POLR2I: variants seen among roughly 807,000 people sequenced by gnomAD.
The protein encoded by POLR2I is DNA-directed RNA polymerase II subunit RPB9.
In POLR2I, 15 loss-of-function variants were observed where a neutral mutation model predicts 23.0. The ratio of observed to expected loss-of-function variants is 0.65; its 90% CI spans 0.44 to 1.00. POLR2I has a LOEUF of 1.00. Among genes scored for constraint, POLR2I ranks in the 50% least tolerant of loss-of-function variants. The probability of loss-of-function intolerance (pLI) is 0.00; values close to 1 mark genes in which losing one functional copy is unlikely to be tolerated. For synonymous variants in POLR2I, 72 were observed against 65.4 expected (o/e 1.10, Z -0.49); for missense variants, 120 against 173.7 (o/e 0.69, Z 1.74).
chr19:36,113,870 C>T, intron 5 of POLR2I, 53 bp from the exon 6 acceptor site: 1 of 1,602,134 alleles, frequency 6.2e-7, no homozygotes, highest in Non-Finnish European at 8.5e-7. Flanking sequence ...AGCGCCTTAC[C>T]CCAAAAGAAC....
rs182394863 is a variant in POLR2I at position 36,114,075 on chromosome 19, G to A, written c.264-9C>T. 654 of 1,613,994 alleles carry A rather than the reference G, an allele frequency of 4.1e-4. No homozygotes were observed. Among genetic ancestry groups the A allele is most frequent in the Non-Finnish European group, 5.0e-4 (595 of 1,179,932 alleles). ...CCTCCTTGTGGCCGCACCTGAGAGG[G>A]TAGGGGCTCGGTCACCGGAGGCTTC... On this transcript the variant is annotated splice_polypyrimidine_tract_variant and intron_variant, in intron 4 of 5. Transcript: ENST00000221859. This position sits in a 1 kb window ranked among gnomAD's most constrained non-coding sequence, Gnocchi z 4.5.
At chr19:36,113,936 G>C in intron 5 of POLR2I, 79 bp downstream of exon 5, 1 of 1,579,290 alleles carries the variant, frequency 6.3e-7, no homozygotes, top group South Asian at 1.1e-5. Context: ...AGAAGCGCAG[G>C]GTCACCCACA....
Position 36,113,736 on chromosome 19 carries a change from A to G in POLR2I, c.*19T>C. ...ACGCATGGAATCTGGTGTTTATTAC[A>G]CTCGGGGGAGAGAGGAGGTCACTCG... On this transcript the variant is annotated 3_prime_UTR_variant, in exon 6 of 6. Coordinates refer to ENST00000221859, the MANE Select transcript of POLR2I (RefSeq NM_006233.5). The G allele has an allele frequency of 6.2e-7, 1 of 1,612,294 alleles. No homozygotes were observed. Among genetic ancestry groups the G allele is most frequent in the Middle Eastern group, 1.7e-4 (1 of 5,994 alleles).
rs1326721965 is a variant in POLR2I, at chr19:36,114,606, GC to G, written c.114+52del. 1 of 1,544,732 alleles carries G rather than the reference GC, an allele frequency of 6.5e-7. No individual in the cohort carries two copies. The highest frequency in any genetic ancestry group is 2.3e-5 in the East Asian group (1 of 44,332). ...TCCGATCACAGAGGCAGGGGGCAGG[GC>G]GGGGCCACGCTGGGAACAGGTGGAC... is the stretch of plus-strand genomic sequence containing the variant. On this transcript the variant is annotated intron_variant, in intron 2 of 5. Transcript: ENST00000221859. The surrounding 1 kb of genome is among the most constrained non-coding windows in gnomAD (Gnocchi z 4.5).
At position 36,114,172 on chromosome 19, in the gene POLR2I, C is replaced by G. The variant is rs201433073; in HGVS notation, c.263+5G>C. The G allele has an allele frequency of 1.2e-6, 2 of 1,614,152 alleles. No individual in the cohort carries two copies. Among genetic ancestry groups the G allele is most frequent in the East Asian group, 2.2e-5 (1 of 44,884 alleles). On this transcript the variant is annotated splice_donor_5th_base_variant and intron_variant, in intron 4 of 5. Transcript: ENST00000221859. This position sits in a 1 kb window ranked among gnomAD's most constrained non-coding sequence, Gnocchi z 4.5. ...TTACCTCCCCAGTACCAGCTGAACG[C>G]TCACTTTTGGCACGGGTGGTCCTCG...
chr19:36,114,242 G>C lies in POLR2I; in HGVS notation c.198C>G (p.Thr66=), dbSNP rs1196706391. 6.2e-7 allele frequency: 1 copy of C among 1,613,810 alleles called. No homozygotes were observed. Among genetic ancestry groups the C allele is most frequent in the Non-Finnish European group, 8.5e-7 (1 of 1,179,954 alleles). The change falls in exon 4 of 6, where the codon ACC becomes ACG. Residue 66 remains threonine (T), a synonymous_variant. Coordinates refer to ENST00000221859, the MANE Select transcript of POLR2I (RefSeq NM_006233.5). This position sits in a 1 kb window ranked among gnomAD's most constrained non-coding sequence, Gnocchi z 4.5. ...CCTGGGACACGTCGGCGATAATCTG[G>C]GTCAGTTCGCTGCAGGGACGCGGGG... ...NKITHEVDEL[T]QIIADVSQDP...
chr19:36,113,961 C>T (rs1973892034), intron 5 of POLR2I, 54 bp downstream of exon 5: 1 of 1,602,002 alleles, frequency 6.2e-7, no homozygotes, highest in Admixed American at 1.7e-5. Context: ...TATCCCCGCC[C>T]CCAGAAAGGA....
At position 36,114,133 on chromosome 19, in the gene POLR2I, A is replaced by C. The variant is rs367614069; in HGVS notation, c.263+44T>G. 285 of 1,612,400 alleles carry C rather than the reference A, an allele frequency of 1.8e-4. 1 individual carries two copies. The South Asian group carries it at 2.9e-3, about 16-fold the overall frequency. ...TCCCTCCTCCCTTCGCCCAGTGAGG[A>C]GACGAGCCTCACTTTACCTCCCCAG... is the stretch of plus-strand genomic sequence containing the variant. On this transcript the variant is annotated intron_variant, in intron 4 of 5. Transcript: ENST00000221859. This position sits in a 1 kb window ranked among gnomAD's most constrained non-coding sequence, Gnocchi z 4.5.
Position 36,114,506 on chromosome 19 carries a change from A to G in POLR2I, c.115-94T>C. The G allele has an allele frequency of 2.2e-6, 3 of 1,366,940 alleles. No individual in the cohort carries two copies. The highest frequency in any genetic ancestry group is 3.1e-6 in the Non-Finnish European group (3 of 961,634). The allele number at this position is 1,366,940 out of a possible 1,614,324, so 84.7% of individuals were successfully genotyped here. ...CAGGGTGATCCCGGAGGATATGACGACAGGACTCTCTTTGGGGATGGGCAG... is the reference window on the plus strand; with the variant it reads ...CAGGGTGATCCCGGAGGATATGACGGCAGGACTCTCTTTGGGGATGGGCAG... On this transcript the variant is annotated intron_variant, in intron 2 of 5. Transcript: ENST00000221859. The surrounding 1 kb of genome is among the most constrained non-coding windows in gnomAD (Gnocchi z 4.5).
Position 36,114,098 on chromosome 19 carries a change from T to C in POLR2I, c.264-32A>G, listed in dbSNP as rs773056557. On this transcript the variant is annotated intron_variant, in intron 4 of 5. Coordinates refer to ENST00000221859, the MANE Select transcript of POLR2I (RefSeq NM_006233.5). This position sits in a 1 kb window ranked among gnomAD's most constrained non-coding sequence, Gnocchi z 4.5. The stretch of plus-strand genomic sequence containing the variant: ...GGGTAGGGGCTCGGTCACCGGAGGC[T>C]TCACACCCTTCCCTCCTCCCTTCGC... 1.2e-5 allele frequency: 19 copies of C among 1,613,630 alleles called. No individual in the cohort carries two copies. The South Asian group carries it at 2.1e-4, about 18-fold the overall frequency.
At position 36,114,375 on chromosome 19, in the gene POLR2I, C is replaced by G. The variant is rs755616103; in HGVS notation, c.152G>C (p.Ser51Thr). Residue 51 changes from serine (S) to threonine (T), a missense_variant, in exon 3 of 6, where the codon AGC (serine) becomes ACC (threonine). Coordinates refer to ENST00000221859, the MANE Select transcript of POLR2I (RefSeq NM_006233.5). This position sits in a 1 kb window ranked among gnomAD's most constrained non-coding sequence, Gnocchi z 4.5. ...CGTGATCTTGTTGACATAGATGCAG[C>G]TGTTGTCGGCCTCCTGCTGGTAATC... is the stretch of plus-strand genomic sequence containing the variant. ...NCDYQQEADN[S>T]CIYVNKITHE... 2 of 1,614,016 alleles carry G rather than the reference C, an allele frequency of 1.2e-6. No individual in the cohort carries two copies. The highest frequency in any genetic ancestry group is 1.1e-5 in the South Asian group (1 of 91,086).
rs770619530 is a variant in POLR2I, at chr19:36,114,841, T to C, written c.16A>G (p.Thr6Ala). MEPDG[T>A]YEPGFVGIRF... Reference sequence around the variant, plus strand: ...ATACCCACGAAGCCCGGCTCGTAAGTCCCGTCGGGCTCCATGGCGACGCGC... The same window carrying C: ...ATACCCACGAAGCCCGGCTCGTAAGCCCCGTCGGGCTCCATGGCGACGCGC... Residue 6 changes from threonine to alanine, a missense_variant, in exon 1 of 6, where the codon ACT becomes GCT. Physicochemically the swap from Thr to Ala is moderately conservative, Grantham distance 58. Transcript: ENST00000221859. The surrounding 1 kb of genome is among the most constrained non-coding windows in gnomAD (Gnocchi z 4.5). The C allele has an allele frequency of 6.2e-7, 1 of 1,613,896 alleles. No homozygotes were observed. The highest frequency in any genetic ancestry group is 1.1e-5 in the South Asian group (1 of 91,084).
Position 36,113,947 on chromosome 19 carries a change from T to C in POLR2I, c.315+68A>G, listed in dbSNP as rs115149643. Reference sequence around the variant, plus strand: ...TCCAAGAAGCGCAGGGTCACCCACATTGATATCCCCGCCCCCAGAAAGGAC... The same window carrying C: ...TCCAAGAAGCGCAGGGTCACCCACACTGATATCCCCGCCCCCAGAAAGGAC... On this transcript the variant is annotated intron_variant, in intron 5 of 5. Coordinates refer to ENST00000221859, the MANE Select transcript of POLR2I (RefSeq NM_006233.5). 5,163 of 1,589,590 alleles carry C rather than the reference T, an allele frequency of 3.2e-3. 159 individuals are homozygous for C. The African/African-American group carries it at 0.063, about 19-fold the overall frequency.
chr19:36,114,637 C>G lies in POLR2I; in HGVS notation c.114+22G>C. 3.8e-6 allele frequency: 6 copies of G among 1,596,434 alleles called. No homozygotes were observed. The highest frequency in any genetic ancestry group is 2.2e-5 in the East Asian group (1 of 44,482). On this transcript the variant is annotated intron_variant, in intron 2 of 5. Coordinates refer to ENST00000221859, the MANE Select transcript of POLR2I (RefSeq NM_006233.5). The surrounding 1 kb of genome is among the most constrained non-coding windows in gnomAD (Gnocchi z 4.5). ...CCACGCTGGGAACAGGTGGACCTGC[C>G]GGGGAAGACCCCGGCGCTCACCGCG...
In POLR2I at chr19:36,114,208, A is replaced by G; in HGVS notation, c.232T>C (p.Leu78=). Residue 78 remains leucine, a synonymous_variant, in exon 4 of 6, where the codon TTG becomes CTG. Transcript: ENST00000221859. This position sits in a 1 kb window ranked among gnomAD's most constrained non-coding sequence, Gnocchi z 4.5. ...CACGGGTGGTCCTCGGTCCGCGGCA[A>G]CGTGGGGTCCTGGGACACGTCGGCG... ...IIADVSQDPT[L]PRTEDHPCQK... is the part of the protein sequence containing the mutation. 1 of 1,614,074 alleles carries G rather than the reference A, an allele frequency of 6.2e-7. No homozygotes were observed. The highest frequency in any genetic ancestry group is 8.5e-7 in the Non-Finnish European group (1 of 1,179,988).
In POLR2I at chr19:36,114,595, C is replaced by G; in HGVS notation, c.114+64G>C. The G allele has an allele frequency of 6.7e-7, 1 of 1,482,742 alleles. No individual in the cohort carries two copies. Among genetic ancestry groups the G allele is most frequent in the Non-Finnish European group, 9.3e-7 (1 of 1,071,626 alleles). The allele number at this position is 1,482,742 out of a possible 1,614,324, so 91.8% of individuals were successfully genotyped here. On this transcript the variant is annotated intron_variant, in intron 2 of 5. Transcript: ENST00000221859. This position sits in a 1 kb window ranked among gnomAD's most constrained non-coding sequence, Gnocchi z 4.5. ...CGAACAGGGAGTCCGATCACAGAGGCAGGGGGCAGGGCGGGGCCACGCTGG... is the reference window on the plus strand; with the variant it reads ...CGAACAGGGAGTCCGATCACAGAGGGAGGGGGCAGGGCGGGGCCACGCTGG...
Position 36,114,611 on chromosome 19 carries a change from G to T in POLR2I, c.114+48C>A. 1 of 1,561,320 alleles carries T rather than the reference G, an allele frequency of 6.4e-7. No individual in the cohort carries two copies. The highest frequency in any genetic ancestry group is 8.8e-7 in the Non-Finnish European group (1 of 1,140,338). ...TCACAGAGGCAGGGGGCAGGGCGGGGCCACGCTGGGAACAGGTGGACCTGC... is the reference window on the plus strand; with the variant it reads ...TCACAGAGGCAGGGGGCAGGGCGGGTCCACGCTGGGAACAGGTGGACCTGC... On this transcript the variant is annotated intron_variant, in intron 2 of 5. Transcript: ENST00000221859. The surrounding 1 kb of genome is among the most constrained non-coding windows in gnomAD (Gnocchi z 4.5).
rs746983863 is a variant in POLR2I at position 36,114,158 on chromosome 19, G to A, written c.263+19C>T. 3 of 1,614,016 alleles carry A rather than the reference G, an allele frequency of 1.9e-6. No homozygotes were observed. Among genetic ancestry groups the A allele is most frequent in the South Asian group, 2.2e-5 (2 of 91,086 alleles). On this transcript the variant is annotated intron_variant, in intron 4 of 5. Coordinates refer to ENST00000221859, the MANE Select transcript of POLR2I (RefSeq NM_006233.5). This position sits in a 1 kb window ranked among gnomAD's most constrained non-coding sequence, Gnocchi z 4.5. The stretch of plus-strand genomic sequence containing the variant: ...AGACGAGCCTCACTTTACCTCCCCA[G>A]TACCAGCTGAACGCTCACTTTTGGC...
rs1034629567 is a variant in POLR2I at position 36,114,534 on chromosome 19, C to T, written c.115-122G>A. On this transcript the variant is annotated intron_variant, in intron 2 of 5. Coordinates refer to ENST00000221859, the MANE Select transcript of POLR2I (RefSeq NM_006233.5). This position sits in a 1 kb window ranked among gnomAD's most constrained non-coding sequence, Gnocchi z 4.5. The stretch of plus-strand genomic sequence containing the variant: ...GGACTCTCTTTGGGGATGGGCAGGA[C>T]ATGAGAGTCAGGATCACTTGAGGTG... The T allele has an allele frequency of 4.6e-6, 6 of 1,292,218 alleles. No homozygotes were observed. In the Admixed American group the frequency reaches 7.0e-5, roughly 15 times the overall value. 80.0% of individuals were successfully genotyped at this position (1,292,218 alleles called of 1,614,324 possible).
Sources: gnomAD v4.1 joint callset for allele counts on GRCh38, gnomAD v4.1.1 for gene constraint, Gnocchi (gnomAD v3.1) non-coding constraint, MANE v1.5 for transcripts, NCBI Gene and HGNC (gene_info 2026-07-23, HGNC 2026-07-21) for gene names.